IRF2: variants seen among roughly 807,000 people sequenced by gnomAD.
The protein encoded by IRF2 is interferon regulatory factor 2.
Under a neutral mutation model 40.6 loss-of-function variants are expected in IRF2, and 15 were observed. The ratio of observed to expected loss-of-function variants is 0.37; its 90% CI spans 0.25 to 0.57. The LOEUF (loss-of-function observed/expected upper bound fraction) is 0.57. Among genes scored for constraint, IRF2 ranks in the 20% least tolerant of loss-of-function variants. The pLI, the probability that IRF2 is intolerant of heterozygous loss-of-function variation, is 0.77. For missense variants in IRF2, 317 were observed against 455.7 expected, an observed-to-expected ratio of 0.70 and a Z score of 2.77; for synonymous variants, 151 against 165.5, an observed-to-expected ratio of 0.91 and a Z score of 0.67.
chr4:184,471,865 T>C (rs1365561630), intron 1 of IRF2: 2 of 152,238 alleles, frequency 1.3e-5, no homozygotes, highest in Non-Finnish European at 2.9e-5. Flanking sequence ...CTGACATTTT[T>C]ACAGGTAAGT....
intron 2 of IRF2, among the ~76,000 whole-genome samples, chr4:184,421,715 G>A (rs1296152136): frequency 1.3e-5 from 2 of 151,952 alleles, no homozygotes; most frequent in Non-Finnish European, 2.9e-5. Context: ...GCATCTGCAC[G>A]CATGCATGCA....
chr4:184,425,777 A>T (rs73007041), intron 2 of IRF2, among the ~76,000 whole-genome samples: 3,277 of 152,310 alleles, frequency 0.022, 105 homozygotes, highest in African/African-American at 0.076. Context: ...TATCAGAAAA[A>T]CATGGACAAA....
At chr4:184,459,817 C>A (rs1239051917) in intron 1 of IRF2, among the ~76,000 whole-genome samples, 4 of 152,152 alleles carry the variant, frequency 2.6e-5, no homozygotes, top group Non-Finnish European at 5.9e-5. Context: ...CCACTTCATA[C>A]CTATTAGGGT....
At chr4:184,453,535 C>T (rs1413816367) in intron 1 of IRF2, among the ~76,000 whole-genome samples, 1 of 152,240 alleles carries the variant, frequency 6.6e-6, no homozygotes, top group East Asian at 1.9e-4. Flanking sequence ...AACATGACCT[C>T]GAGAAGGCAC....
chr4:184,464,230 G>A (rs1739245069), intron 1 of IRF2, among the ~76,000 whole-genome samples: 1 of 152,084 alleles, frequency 6.6e-6, no homozygotes, highest in South Asian at 2.1e-4. Context: ...TATAGGATAT[G>A]AAGATGGGGA....
At chr4:184,427,250 G>A (rs1737705703) in intron 2 of IRF2, among the ~76,000 whole-genome samples, 1 of 152,256 alleles carries the variant, frequency 6.6e-6, no homozygotes, top group Non-Finnish European at 1.5e-5. Flanking sequence ...AAGACCTTGA[G>A]ATATGGGACA....
At chr4:184,430,754 G>A (rs1412858587) in intron 1 of IRF2, among the ~76,000 whole-genome samples, 2 of 152,138 alleles carry the variant, frequency 1.3e-5, no homozygotes, top group South Asian at 2.1e-4. Context: ...GGAGTGCAGT[G>A]ACATGATCAC....
intron 1 of IRF2, among the ~76,000 whole-genome samples, chr4:184,450,392 C>T (rs1738673023): frequency 6.6e-6 from 1 of 152,172 alleles, no homozygotes; most frequent in Non-Finnish European, 1.5e-5. Context: ...AAATCAGCAT[C>T]ATTTTCCTTA....
intron 1 of IRF2, among the ~76,000 whole-genome samples, chr4:184,437,348 G>A (rs994932698): frequency 2.1e-5 from 3 of 140,088 alleles, no homozygotes; most frequent in East Asian, 4.1e-4. Context: ...GAGCCACCGC[G>A]CCTGGCCTAA....
intron 1 of IRF2, among the ~76,000 whole-genome samples, chr4:184,463,455 A>G (rs1225976562): frequency 6.6e-6 from 1 of 152,242 alleles, no homozygotes; most frequent in Non-Finnish European, 1.5e-5. Context: ...ACTCAGTATG[A>G]AAAATGGATA....
chr4:184,431,600 G>A (rs373356173), intron 1 of IRF2, among the ~76,000 whole-genome samples: 12 of 151,980 alleles, frequency 7.9e-5, no homozygotes, highest in African/African-American at 2.9e-4. Flanking sequence ...AATCCAGAGC[G>A]GTCAAGAAAA....
At chr4:184,463,232 A>C (rs971898147) in intron 1 of IRF2, among the ~76,000 whole-genome samples, 1 of 152,218 alleles carries the variant, frequency 6.6e-6, no homozygotes, top group Non-Finnish European at 1.5e-5. Flanking sequence ...TACAGTTATG[A>C]CCAAAATAAC....
At chr4:184,432,308 A>T (rs1175330625) in intron 1 of IRF2, among the ~76,000 whole-genome samples, 1 of 152,232 alleles carries the variant, frequency 6.6e-6, no homozygotes, top group East Asian at 1.9e-4. Flanking sequence ...GGACAAGGCC[A>T]CACTCTGCCT....
chr4:184,449,065 C>T (rs1185986451), intron 1 of IRF2: 1 of 152,530 alleles, frequency 6.6e-6, no homozygotes, highest in Non-Finnish European at 1.5e-5. Flanking sequence ...GAACAGAAAC[C>T]GAAACCAGGG....
chr4:184,455,301 C>CTTTTTTT (rs1238177005), intron 1 of IRF2, among the ~76,000 whole-genome samples: 46 of 31,918 alleles, frequency 1.4e-3, no homozygotes, highest in East Asian at 2.5e-3. Context: ...CCTTCTTCTT[C>CTTTTTTT]TTTTTTTTTT....
intron 6 of IRF2, among the ~76,000 whole-genome samples, chr4:184,407,929 A>G (rs1033782431): frequency 2.6e-5 from 4 of 152,084 alleles, no homozygotes; most frequent in Non-Finnish European, 5.9e-5. Flanking sequence ...TTTTCCTGGG[A>G]GGTCACCCCA....
intron 1 of IRF2, among the ~76,000 whole-genome samples, chr4:184,451,530 A>T (rs1738714634): frequency 6.6e-6 from 1 of 152,224 alleles, no homozygotes; most frequent in Non-Finnish European, 1.5e-5. Flanking sequence ...AGCCCATGCC[A>T]AAGCTGACTC....
At chr4:184,407,268 C>T in intron 6 of IRF2, 1 of 1,265,920 alleles carries the variant, frequency 7.9e-7, no homozygotes, top group Non-Finnish European at 1.0e-6. Context: ...ACCATACACA[C>T]AACAAAAATT....
At chr4:184,471,226 A>T (rs2149921539) in intron 1 of IRF2, among the ~76,000 whole-genome samples, 1 of 152,336 alleles carries the variant, frequency 6.6e-6, no homozygotes, top group Non-Finnish European at 1.5e-5. Flanking sequence ...TGTTCATGAA[A>T]GCAACACTTA....
Sources: allele counts gnomAD v4.1 joint callset (sites outside exome capture counted in the v4.1 genomes callset), GRCh38; gene constraint gnomAD v4.1.1; transcripts MANE v1.5; gene names NCBI Gene and HGNC (gene_info 2026-07-23, HGNC 2026-07-21).